AKAP13: variants seen among roughly 807,000 people sequenced by gnomAD.
AKAP13 encodes A-kinase anchor protein 13.
A neutral mutation model predicts 264.5 loss-of-function variants in AKAP13; 80 were observed. The observed-to-expected ratio is 0.30, with a 90% CI of 0.25 to 0.36. The LOEUF (loss-of-function observed/expected upper bound fraction) is 0.36, where lower values mean the gene tolerates loss of function less well. Ranked by LOEUF, AKAP13 falls within the 10% of genes least tolerant of loss-of-function variation. The pLI, the probability that AKAP13 is intolerant of heterozygous loss-of-function variation, is 1.00. For synonymous variants in AKAP13, 1,380 were observed against 1,250.2 expected (o/e 1.10, Z -2.19); for missense variants, 3,712 against 3,435.2 (o/e 1.08, Z -2.01).
chr15:85,490,206 A>G (rs1396581714), intron 2 of AKAP13, among the ~76,000 whole-genome samples: 1 of 152,222 alleles, frequency 6.6e-6, no homozygotes, highest in Non-Finnish European at 1.5e-5. Context: ...TGCAAGAAAT[A>G]TTTCAAAAGA....
At chr15:85,392,040 C>T (rs919606340) in intron 1 of AKAP13, among the ~76,000 whole-genome samples, 4 of 152,016 alleles carry the variant, frequency 2.6e-5, no homozygotes, top group African/African-American at 9.7e-5. Flanking sequence ...ACCTCCGCTT[C>T]CCAAAGTGCT....
intron 33 of AKAP13, among the ~76,000 whole-genome samples, chr15:85,737,388 C>G (rs951095831): frequency 2.6e-5 from 4 of 152,172 alleles, no homozygotes; most frequent in East Asian, 1.9e-4. Flanking sequence ...GAGTATCTGA[C>G]TTTGTAAGCA....
intron 1 of AKAP13, among the ~76,000 whole-genome samples, chr15:85,445,591 AC>A (rs1367863132): frequency 6.6e-6 from 1 of 152,204 alleles, no homozygotes; most frequent in Non-Finnish European, 1.5e-5. Context: ...TCATTTAATT[AC>A]ATCTTCCTTT....
intron 1 of AKAP13, among the ~76,000 whole-genome samples, chr15:85,470,215 G>C (rs763603638): frequency 9.9e-5 from 15 of 152,230 alleles, no homozygotes; most frequent in Non-Finnish European, 1.9e-4. Context: ...CTTGAACCCA[G>C]AAGGCGGAGG....
intron 12 of AKAP13, 44 bp downstream of exon 12, chr15:85,658,634 A>G: frequency 1.3e-6 from 2 of 1,533,810 alleles, no homozygotes; most frequent in Non-Finnish European, 1.8e-6. Flanking sequence ...GTCACCTCTG[A>G]GCATATACTA....
At chr15:85,671,145 T>C (rs1224527159) in intron 14 of AKAP13, among the ~76,000 whole-genome samples, 1 of 152,094 alleles carries the variant, frequency 6.6e-6, no homozygotes, top group Non-Finnish European at 1.5e-5. Context: ...GGTTTCCTCA[T>C]TGTTCCCTGA....
Position 85,579,663 on chromosome 15 carries a change from G to T in AKAP13, c.1595G>T (p.Ser532Ile), listed in dbSNP as rs767223714. The T allele has an allele frequency of 1.1e-5, 18 of 1,614,078 alleles. No homozygotes were observed. The highest frequency in any genetic ancestry group is 6.7e-5 in the African/African-American group (5 of 74,920). ...ACAAGTAAGCCTGTGGATAAAATCAGTGTTCCAAACTGTGCCCCTGCTGCC... is the reference window on the plus strand; with the variant it reads ...ACAAGTAAGCCTGTGGATAAAATCATTGTTCCAAACTGTGCCCCTGCTGCC... ...HVTSKPVDKI[S>I]VPNCAPAASS... is the part of the protein sequence containing the mutation. Residue 532 changes from serine to isoleucine, a missense_variant, in exon 7 of 37, where the codon AGT becomes ATT. Ser to Ile is a moderately radical substitution (Grantham distance 142). Coordinates refer to ENST00000394518, the MANE Select transcript of AKAP13 (RefSeq NM_007200.5).
At chr15:85,402,813 A>T (rs928235026) in intron 1 of AKAP13, among the ~76,000 whole-genome samples, 13 of 152,328 alleles carry the variant, frequency 8.5e-5, no homozygotes, top group African/African-American at 2.6e-4. Flanking sequence ...AAACTCCCAC[A>T]GCCAGAAGTG....
chr15:85,721,464 T>G (rs1168490674), intron 23 of AKAP13, among the ~76,000 whole-genome samples: 1 of 152,200 alleles, frequency 6.6e-6, no homozygotes, highest in Admixed American at 6.5e-5. Context: ...GAACATACCT[T>G]TAGAGGAATC....
chr15:85,642,181 A>G (rs964161017), intron 9 of AKAP13, among the ~76,000 whole-genome samples: 2 of 152,192 alleles, frequency 1.3e-5, no homozygotes, highest in Non-Finnish European at 2.9e-5. Flanking sequence ...CACACCTGCT[A>G]TGTGCTGGAA....
At chr15:85,562,334 G>A (rs1294701311) in intron 5 of AKAP13, among the ~76,000 whole-genome samples, 1 of 151,904 alleles carries the variant, frequency 6.6e-6, no homozygotes, top group Non-Finnish European at 1.5e-5. Context: ...GGAGGCCGAG[G>A]CGTGCGGATC....
chr15:85,482,243 A>G (rs1235052168), intron 1 of AKAP13, among the ~76,000 whole-genome samples: 2 of 152,122 alleles, frequency 1.3e-5, no homozygotes, highest in African/African-American at 2.4e-5. Context: ...GGGGTAAATG[A>G]TATCTTCTCA....
At chr15:85,398,620 A>G (rs772084665) in intron 1 of AKAP13, among the ~76,000 whole-genome samples, 3 of 152,154 alleles carry the variant, frequency 2.0e-5, no homozygotes, top group African/African-American at 4.8e-5. Context: ...CAGTGGCGCA[A>G]TCTCTACTCA....
intron 1 of AKAP13, among the ~76,000 whole-genome samples, chr15:85,436,600 A>G (rs2073309042): frequency 6.8e-6 from 1 of 146,114 alleles, no homozygotes; most frequent in South Asian, 2.3e-4. Flanking sequence ...AAAAGAACAG[A>G]AATTATAACA....
At chr15:85,509,855 A>G (rs534924552) in intron 2 of AKAP13, among the ~76,000 whole-genome samples, 64 of 152,300 alleles carry the variant, frequency 4.2e-4, no homozygotes, top group African/African-American at 1.5e-3. Flanking sequence ...TGAGAGCTGA[A>G]TGGTTTTGGA....
intron 8 of AKAP13, among the ~76,000 whole-genome samples, chr15:85,609,258 C>G (rs969966074): frequency 6.6e-6 from 1 of 152,152 alleles, no homozygotes; most frequent in Non-Finnish European, 1.5e-5. Context: ...CAACCTCTCC[C>G]CATTCTCTTC....
intron 8 of AKAP13, among the ~76,000 whole-genome samples, chr15:85,618,851 A>G (rs977610026): frequency 6.6e-6 from 1 of 152,202 alleles, no homozygotes; most frequent in Non-Finnish European, 1.5e-5. Context: ...CCAAAAATAA[A>G]GCTTAACTCT....
chr15:85,439,939 A>G (rs760536064), intron 1 of AKAP13, among the ~76,000 whole-genome samples: 47 of 151,028 alleles, frequency 3.1e-4, no homozygotes, highest in African/African-American at 9.4e-4. Context: ...CCTGCACAAT[A>G]TGCACATGTA....
At chr15:85,621,505 C>G (rs2081183483) in intron 8 of AKAP13, 1 of 151,986 alleles carries the variant, frequency 6.6e-6, no homozygotes. Flanking sequence ...CCATGATACC[C>G]TATGATTTTG....
Sources: allele counts gnomAD v4.1 joint callset (sites outside exome capture counted in the v4.1 genomes callset), GRCh38; gene constraint gnomAD v4.1.1; transcripts MANE v1.5; gene names NCBI Gene and HGNC (gene_info 2026-07-23, HGNC 2026-07-21).